The following ARHGAP18 variants were observed in gnomAD, a reference collection of about 807,000 sequenced individuals.
ARHGAP18 encodes the protein rho GTPase-activating protein 18.
A neutral mutation model predicts 86.2 loss-of-function variants in ARHGAP18; 67 were observed. The ratio of observed to expected loss-of-function variants is 0.78; its 90% CI spans 0.64 to 0.95. The LOEUF (loss-of-function observed/expected upper bound fraction) is 0.95, where lower values mean the gene tolerates loss of function less well. Among genes scored for constraint, ARHGAP18 ranks in the 40% least tolerant of loss-of-function variants. ARHGAP18 has a pLI of 0.00. For synonymous variants in ARHGAP18, 283 were observed against 280.4 expected (o/e 1.01, Z -0.09); for missense variants, 691 against 780.4 (o/e 0.89, Z 1.37).
chr6:129,707,401 G>A (rs1055892591), intron 1 of ARHGAP18, among the ~76,000 whole-genome samples: 8 of 152,054 alleles, frequency 5.3e-5, no homozygotes, highest in South Asian at 2.1e-4. Flanking sequence ...TTATACTTCC[G>A]TGCTATCTTC....
rs199629333 is a variant in ARHGAP18 at position 129,629,342 on chromosome 6, G to A, written c.786+11C>T. 2.5e-6 allele frequency: 4 copies of A among 1,611,528 alleles called. No individual in the cohort carries two copies. The highest frequency in any genetic ancestry group is 1.7e-5 in the Admixed American group (1 of 59,694). ...ACATATATGTATATTTATAAAGAGT[G>A]TACTACGTACAGGTAATGTGGCATC... On this transcript the variant is annotated intron_variant, in intron 5 of 14. Coordinates refer to ENST00000368149, the MANE Select transcript of ARHGAP18 (RefSeq NM_033515.3).
At chr6:129,669,134 T>C (rs1202049659) in intron 1 of ARHGAP18, among the ~76,000 whole-genome samples, 2 of 151,312 alleles carry the variant, frequency 1.3e-5, no homozygotes, top group Non-Finnish European at 2.9e-5. Context: ...CTCTGTGGTC[T>C]CCGTACTCCA....
intron 8 of ARHGAP18, among the ~76,000 whole-genome samples, chr6:129,610,812 A>G (rs1788963116): frequency 6.6e-6 from 1 of 152,106 alleles, no homozygotes; most frequent in Non-Finnish European, 1.5e-5. Flanking sequence ...TATTTTTAGT[A>G]GAGACAGTGT....
chr6:129,690,932 A>G (rs1396239977), intron 1 of ARHGAP18, among the ~76,000 whole-genome samples: 1 of 152,170 alleles, frequency 6.6e-6, no homozygotes, highest in Non-Finnish European at 1.5e-5. Context: ...TTCAATACAA[A>G]CTACCTTTGA....
intron 1 of ARHGAP18, among the ~76,000 whole-genome samples, chr6:129,654,596 C>T (rs1176591486): frequency 6.6e-6 from 1 of 152,124 alleles, no homozygotes; most frequent in Non-Finnish European, 1.5e-5. Flanking sequence ...TGAAGAAGAG[C>T]GTAAGTAGTT....
intron 1 of ARHGAP18, among the ~76,000 whole-genome samples, chr6:129,698,025 T>A (rs542851154): frequency 5.4e-4 from 82 of 152,326 alleles, no homozygotes; most frequent in South Asian, 2.1e-4. Context: ...TTACCTTTTC[T>A]TACTCAAACT....
At chr6:129,596,779 C>T (rs1392499240) in intron 12 of ARHGAP18, 1 of 152,126 alleles carries the variant, frequency 6.6e-6, no homozygotes, top group Non-Finnish European at 1.5e-5. Flanking sequence ...AAGGAGGGGG[C>T]ATGGCTTACA....
At chr6:129,643,861 G>A (rs538594294) in intron 1 of ARHGAP18, among the ~76,000 whole-genome samples, 77 of 152,272 alleles carry the variant, frequency 5.1e-4, no homozygotes, top group Non-Finnish European at 9.8e-4. Context: ...TAAACTCTGG[G>A]CGAATCTATC....
intron 1 of ARHGAP18, among the ~76,000 whole-genome samples, chr6:129,691,206 C>A (rs531725507): frequency 7.9e-4 from 121 of 152,316 alleles, no homozygotes; most frequent in African/African-American, 2.5e-3. Flanking sequence ...TCACCTCCAA[C>A]ATAAACACAC....
At chr6:129,633,231 C>T (rs141103387) in intron 4 of ARHGAP18, among the ~76,000 whole-genome samples, 2,783 of 150,042 alleles carry the variant, frequency 0.019, 91 homozygotes, top group African/African-American at 0.064. Flanking sequence ...AGTTCAAGAC[C>T]AGCCTCGCCA....
At chr6:129,595,862 C>A (rs1395810058) in intron 12 of ARHGAP18, among the ~76,000 whole-genome samples, 2 of 152,136 alleles carry the variant, frequency 1.3e-5, no homozygotes, top group African/African-American at 2.4e-5. Context: ...TCCAATTTCT[C>A]AGGCCAAAAA....
In ARHGAP18 at chr6:129,611,518, G is replaced by A. The variant is rs200308901; in HGVS notation, c.1122+15C>T. 1.9e-6 allele frequency: 3 copies of A among 1,610,344 alleles called. No homozygotes were observed. Among genetic ancestry groups the A allele is most frequent in the Admixed American group, 3.3e-5 (2 of 59,938 alleles). The stretch of plus-strand genomic sequence containing the variant: ...AAACAATAAAATGTTTACATTAGTA[G>A]AACCCAGAGATTACCTTGATTCTAA... On this transcript the variant is annotated intron_variant, in intron 8 of 14. Coordinates refer to ENST00000368149, the MANE Select transcript of ARHGAP18 (RefSeq NM_033515.3).
chr6:129,631,463 AAC>A (rs1481498006), intron 4 of ARHGAP18, among the ~76,000 whole-genome samples: 1 of 152,224 alleles, frequency 6.6e-6, no homozygotes, highest in Non-Finnish European at 1.5e-5. Context: ...CACAGAAAAA[AAC>A]AGTTTCAGGG....
chr6:129,591,941 C>A (rs1235052672), intron 12 of ARHGAP18, among the ~76,000 whole-genome samples: 2 of 152,158 alleles, frequency 1.3e-5, no homozygotes, highest in Non-Finnish European at 2.9e-5. Context: ...AAAAGGAATT[C>A]GCTACTATCT....
At chr6:129,687,080 T>G (rs1456746037) in intron 1 of ARHGAP18, among the ~76,000 whole-genome samples, 1 of 147,290 alleles carries the variant, frequency 6.8e-6, no homozygotes, top group Non-Finnish European at 1.5e-5. Context: ...CAACTCAGCC[T>G]CCGAAAGCTC....
intron 5 of ARHGAP18, among the ~76,000 whole-genome samples, chr6:129,628,066 G>C (rs985606615): frequency 6.6e-6 from 1 of 152,094 alleles, no homozygotes; most frequent in Non-Finnish European, 1.5e-5. Context: ...TGGGGGTTCA[G>C]AATACCATTT....
chr6:129,666,528 G>A (rs998594495), intron 1 of ARHGAP18, among the ~76,000 whole-genome samples: 1 of 152,162 alleles, frequency 6.6e-6, no homozygotes, highest in African/African-American at 2.4e-5. Context: ...GCACCTACTA[G>A]TTGCTCATGC....
intron 14 of ARHGAP18, 56 bp downstream of exon 14, chr6:129,580,014 A>G: frequency 2.9e-6 from 4 of 1,392,304 alleles, no homozygotes; most frequent in South Asian, 1.2e-5. Flanking sequence ...ATAAATAATA[A>G]CCACTGGCAA....
At chr6:129,644,390 T>C (rs192899308) in intron 1 of ARHGAP18, among the ~76,000 whole-genome samples, 1 of 152,314 alleles carries the variant, frequency 6.6e-6, no homozygotes, top group Non-Finnish European at 1.5e-5. Flanking sequence ...ATAAAAAATA[T>C]ATATTTTTAA....
Sources: gnomAD v4.1 joint callset for allele counts (sites outside exome capture counted in the v4.1 genomes callset) on GRCh38, gnomAD v4.1.1 for gene constraint, MANE v1.5 for transcripts, NCBI Gene and HGNC (gene_info 2026-07-23, HGNC 2026-07-21) for gene names.